The following DDX10 variants were observed in gnomAD, a reference collection of about 807,000 sequenced individuals.
DDX10 encodes probable ATP-dependent RNA helicase DDX10.
DDX10 carries 74 observed loss-of-function variants against 104.3 expected under a neutral mutation model. The observed-to-expected ratio is 0.71, with a 90% confidence interval of 0.59 to 0.86. The LOEUF (loss-of-function observed/expected upper bound fraction) is 0.86, where lower values mean the gene tolerates loss of function less well. Ranked by LOEUF, DDX10 falls within the 40% of genes least tolerant of loss-of-function variation. The probability of loss-of-function intolerance (pLI) is 0.00; values close to 1 mark genes in which losing one functional copy is unlikely to be tolerated. For synonymous variants in DDX10, 351 were observed against 353.4 expected (o/e 0.99, Z 0.08); for missense variants, 952 against 1,040.0 (o/e 0.92, Z 1.16).
intron 13 of DDX10, among the ~76,000 whole-genome samples, chr11:108,726,343 A>T (rs1347790437): frequency 6.6e-6 from 1 of 152,002 alleles, no homozygotes; most frequent in Non-Finnish European, 1.5e-5. Context: ...TCATAACAAT[A>T]CCTTTTTATT....
chr11:108,857,362 T>C (rs1862884127), intron 16 of DDX10, among the ~76,000 whole-genome samples: 1 of 152,226 alleles, frequency 6.6e-6, no homozygotes, highest in African/African-American at 2.4e-5. Context: ...TTTATCTTTC[T>C]GGGCCTGTTC....
chr11:108,929,285 A>G (rs117042324), intron 17 of DDX10, among the ~76,000 whole-genome samples: 1,820 of 152,272 alleles, frequency 0.012, 21 homozygotes, highest in Non-Finnish European at 0.02. Context: ...CTGATGAGAG[A>G]GGAATTGGGA....
intron 16 of DDX10, among the ~76,000 whole-genome samples, chr11:108,888,017 G>A (rs187474828): frequency 6.6e-6 from 1 of 151,924 alleles, no homozygotes; most frequent in Non-Finnish European, 1.5e-5. Context: ...TTCAATCAGA[G>A]GAAATGGGTA....
intron 17 of DDX10, among the ~76,000 whole-genome samples, chr11:108,932,047 AG>A (rs1220257569): frequency 6.6e-6 from 1 of 151,934 alleles, no homozygotes. Flanking sequence ...AATATAAAAA[AG>A]GGATCTACCC....
chr11:108,756,722 A>G (rs547997140), intron 13 of DDX10, among the ~76,000 whole-genome samples: 32 of 152,174 alleles, frequency 2.1e-4, no homozygotes, highest in African/African-American at 7.5e-4. Context: ...GCCTCACTAA[A>G]GCAAATAAGG....
chr11:108,872,121 T>C (rs1863090771), intron 16 of DDX10, among the ~76,000 whole-genome samples: 1 of 152,244 alleles, frequency 6.6e-6, no homozygotes, highest in Non-Finnish European at 1.5e-5. Flanking sequence ...TCTTGATTCT[T>C]ACTTTTGTTC....
chr11:108,691,671 C>T (rs1426896908), intron 7 of DDX10, among the ~76,000 whole-genome samples: 5 of 151,962 alleles, frequency 3.3e-5, no homozygotes, highest in African/African-American at 7.3e-5. Flanking sequence ...AATTCTGTGA[C>T]GTTAGGAAAT....
chr11:108,906,409 C>CA (rs1863596962), intron 16 of DDX10, among the ~76,000 whole-genome samples: 1 of 152,166 alleles, frequency 6.6e-6, no homozygotes, highest in Non-Finnish European at 1.5e-5. Context: ...TCCCAGTGTG[C>CA]ACACATGGGT....
chr11:108,749,086 CTA>C (rs1273629856), intron 13 of DDX10, among the ~76,000 whole-genome samples: 10 of 150,832 alleles, frequency 6.6e-5, no homozygotes, highest in South Asian at 6.3e-4. Flanking sequence ...CTCTCTCTCT[CTA>C]TATATATATT....
chr11:108,850,605 G>A (rs112988138), intron 15 of DDX10, among the ~76,000 whole-genome samples: 10 of 152,190 alleles, frequency 6.6e-5, no homozygotes, highest in African/African-American at 2.4e-4. Context: ...GTTGTAAAAT[G>A]CTGTCAGAAA....
intron 13 of DDX10, among the ~76,000 whole-genome samples, chr11:108,799,612 A>G (rs1861990624): frequency 6.6e-6 from 1 of 152,216 alleles, no homozygotes; most frequent in East Asian, 1.9e-4. Flanking sequence ...TTAGGGCATT[A>G]AGTGTTCATT....
intron 3 of DDX10, among the ~76,000 whole-genome samples, chr11:108,676,546 A>G (rs1191081600): frequency 6.6e-6 from 1 of 152,058 alleles, no homozygotes; most frequent in African/African-American, 2.4e-5. Flanking sequence ...CCCAGGTTCA[A>G]GCGATTCTTT....
intron 13 of DDX10, among the ~76,000 whole-genome samples, chr11:108,753,576 T>C (rs2094341067): frequency 6.6e-6 from 1 of 152,016 alleles, no homozygotes; most frequent in Non-Finnish European, 1.5e-5. Context: ...ATATCATGAA[T>C]GGAAAAGATT....
intron 10 of DDX10, among the ~76,000 whole-genome samples, chr11:108,709,222 G>A (rs890390989): frequency 1.3e-5 from 2 of 152,126 alleles, no homozygotes; most frequent in Non-Finnish European, 2.9e-5. Flanking sequence ...TTAGCAGTAG[G>A]TTTTTTGTAT....
At chr11:108,812,992 A>AAAAAAAAAAAAAAAAAAAAAAAAAAC (rs1862205061) in intron 13 of DDX10, among the ~76,000 whole-genome samples, 1 of 150,918 alleles carries the variant, frequency 6.6e-6, no homozygotes, top group African/African-American at 2.4e-5. Context: ...AAAAAAAAAA[A>AAAAAAAAAAAAAAAAAAAAAAAAAAC]AGAACAAACA....
intron 16 of DDX10, among the ~76,000 whole-genome samples, chr11:108,905,966 A>G (rs917921184): frequency 6.6e-6 from 1 of 152,132 alleles, no homozygotes; most frequent in Admixed American, 6.5e-5. Context: ...TTCATGAGAA[A>G]TCTACCCTGT....
intron 13 of DDX10, among the ~76,000 whole-genome samples, chr11:108,811,888 A>C (rs1862186732): frequency 1.6e-5 from 1 of 62,992 alleles, no homozygotes; most frequent in African/African-American, 2.9e-5. Flanking sequence ...ATTAATTATA[A>C]ATATGGGGGG....
Position 108,675,699 on chromosome 11 carries a change from T to C in DDX10, c.351T>C (p.Ser117=). The C allele has an allele frequency of 6.8e-6, 11 of 1,614,234 alleles. No homozygotes were observed. Among genetic ancestry groups the C allele is most frequent in the Non-Finnish European group, 9.3e-6 (11 of 1,180,034 alleles). The change falls in exon 3 of 18, where the codon TCT becomes TCC. Residue 117 remains serine (S), a synonymous_variant. Transcript: ENST00000322536. The part of the protein sequence containing the change: ...KDVLGAAKTG[S]GKTLAFLVPV... ...TACTTGGAGCGGCCAAAACTGGATC[T>C]GGCAAGACTCTGGCTTTTCTTGTTC...
intron 13 of DDX10, among the ~76,000 whole-genome samples, chr11:108,770,953 T>C (rs1360241078): frequency 1.4e-5 from 2 of 143,104 alleles, no homozygotes; most frequent in African/African-American, 4.9e-5. Context: ...TTGTGCTAAT[T>C]TACATTCCCA....
Sources: gnomAD v4.1 joint callset for allele counts (sites outside exome capture counted in the v4.1 genomes callset) on GRCh38, gnomAD v4.1.1 for gene constraint, MANE v1.5 for transcripts, NCBI Gene and HGNC (gene_info 2026-07-23, HGNC 2026-07-21) for gene names.